The following ZNF618 variants were observed in gnomAD, a reference collection of about 807,000 sequenced individuals.
The protein encoded by ZNF618 is zinc finger protein 618, also known as neural precursor cell expressed, developmentally down-regulated 10.
In ZNF618, 34 loss-of-function variants were observed where a neutral mutation model predicts 103.0. The ratio of observed to expected loss-of-function variants is 0.33; its 90% CI spans 0.25 to 0.44. The LOEUF is 0.44. ZNF618 is among the 20% of genes least tolerant of loss of function. The probability of loss-of-function intolerance (pLI) is 1.00; values close to 1 mark genes in which losing one functional copy is unlikely to be tolerated. For missense variants in ZNF618, 1,059 were observed against 1,295.4 expected (o/e 0.82, Z 2.80); for synonymous variants, 551 against 542.2 (o/e 1.02, Z -0.23).
chr9:114,039,072 T>C (rs1844886598), intron 13 of ZNF618, among the ~76,000 whole-genome samples: 2 of 152,172 alleles, frequency 1.3e-5, no homozygotes, highest in African/African-American at 4.8e-5. Flanking sequence ...TGGCAGGCTA[T>C]AGATAGGATT....
chr9:114,011,986 T>A (rs1233967634), intron 9 of ZNF618, among the ~76,000 whole-genome samples: 4 of 152,058 alleles, frequency 2.6e-5, no homozygotes. Flanking sequence ...GTTACTTGAT[T>A]TTTATGCCTG....
chr9:113,919,629 C>T (rs1475085289), intron 1 of ZNF618, among the ~76,000 whole-genome samples: 1 of 152,234 alleles, frequency 6.6e-6, no homozygotes, highest in African/African-American at 2.4e-5. Flanking sequence ...TGTCCTCCAA[C>T]GGCGGGGCCA....
At chr9:113,905,194 A>G (rs886634585) in intron 1 of ZNF618, among the ~76,000 whole-genome samples, 2 of 151,882 alleles carry the variant, frequency 1.3e-5, no homozygotes, top group Admixed American at 6.6e-5. Flanking sequence ...TCAGCCTCCT[A>G]TTGGAGGCAC....
At chr9:113,935,142 C>T (rs1246977136) in intron 1 of ZNF618, among the ~76,000 whole-genome samples, 2 of 152,170 alleles carry the variant, frequency 1.3e-5, no homozygotes, top group East Asian at 1.9e-4. Flanking sequence ...GACGAGGGTC[C>T]CCTAACCTGG....
intron 11 of ZNF618, among the ~76,000 whole-genome samples, chr9:114,031,474 C>T (rs1393684172): frequency 2.0e-5 from 3 of 152,206 alleles, no homozygotes; most frequent in Admixed American, 6.5e-5. Context: ...CCTCTGGCTT[C>T]CTTTCCCATT....
At chr9:113,896,586 T>C (rs909689598) in intron 1 of ZNF618, among the ~76,000 whole-genome samples, 3 of 152,052 alleles carry the variant, frequency 2.0e-5, no homozygotes, top group Non-Finnish European at 4.4e-5. Flanking sequence ...TTTGCTTGTA[T>C]TCACACATTA....
intron 13 of ZNF618, among the ~76,000 whole-genome samples, chr9:114,041,915 T>C (rs1845221563): frequency 6.6e-6 from 1 of 152,228 alleles, no homozygotes; most frequent in South Asian, 2.1e-4. Flanking sequence ...TAAATTACTT[T>C]GGGCAGTATG....
chr9:113,924,486 T>C (rs973897186), intron 1 of ZNF618, among the ~76,000 whole-genome samples: 2 of 151,314 alleles, frequency 1.3e-5, no homozygotes, highest in African/African-American at 4.8e-5. Flanking sequence ...ATTGATCTTT[T>C]CAAATAATGA....
intron 1 of ZNF618, among the ~76,000 whole-genome samples, chr9:113,883,996 C>A (rs866483054): frequency 2.0e-5 from 1 of 49,954 alleles, no homozygotes; most frequent in East Asian, 4.0e-4. Context: ...CCCCCCCCCC[C>A]CCCCCCGCCC....
intron 9 of ZNF618, among the ~76,000 whole-genome samples, chr9:114,016,364 T>G (rs1853546): frequency 0.62 from 94,583 of 151,916 alleles, 31,067 homozygotes; most frequent in East Asian, 0.78. Flanking sequence ...GAGCACCGGG[T>G]CTGGGGTGGA....
intron 1 of ZNF618, among the ~76,000 whole-genome samples, chr9:113,907,928 T>C (rs1831135957): frequency 6.6e-6 from 1 of 152,198 alleles, no homozygotes; most frequent in African/African-American, 2.4e-5. Context: ...TGTGAGAGCT[T>C]GAGTCTGCAG....
chr9:114,028,533 C>CT (rs1843714948), intron 10 of ZNF618, 200 bp from the exon 11 acceptor site: 2 of 800,224 alleles, frequency 2.5e-6, no homozygotes, highest in Middle Eastern at 3.7e-4. Flanking sequence ...CTCCAGATAA[C>CT]TAAGCGTGAG....
intron 1 of ZNF618, among the ~76,000 whole-genome samples, chr9:113,951,458 T>TGTACAC (rs777028952): frequency 1.8e-5 from 1 of 54,700 alleles, no homozygotes; most frequent in African/African-American, 5.7e-5. Context: ...TGTGTATATA[T>TGTACAC]ACATATATGT....
At chr9:113,919,522 G>A (rs1457109147) in intron 1 of ZNF618, among the ~76,000 whole-genome samples, 2 of 152,224 alleles carry the variant, frequency 1.3e-5, no homozygotes, top group Admixed American at 6.5e-5. Flanking sequence ...CTTGCCATCC[G>A]TGCTGGCAGG....
chr9:114,047,749 T>C (rs1272903487), intron 13 of ZNF618, 144 bp from the exon 14 acceptor site: 8 of 629,218 alleles, frequency 1.3e-5, no homozygotes, highest in Non-Finnish European at 2.3e-5. Flanking sequence ...TAGATAGTTG[T>C]CTAAGGAGGA....
intron 11 of ZNF618, among the ~76,000 whole-genome samples, chr9:114,030,212 T>C (rs1375165039): frequency 6.6e-6 from 1 of 152,300 alleles, no homozygotes; most frequent in Middle Eastern, 3.4e-3. Context: ...TTCGAAGATA[T>C]GTTTATTGTG....
At chr9:113,885,612 G>A (rs1025535552) in intron 1 of ZNF618, among the ~76,000 whole-genome samples, 12 of 152,168 alleles carry the variant, frequency 7.9e-5, no homozygotes, top group Non-Finnish European at 1.5e-4. Context: ...TTTCAATCAT[G>A]TATGTGGCCT....
chr9:113,998,191 G>A (rs1840809468), intron 3 of ZNF618, 68 bp from the exon 4 acceptor site: 11 of 1,429,018 alleles, frequency 7.7e-6, no homozygotes, highest in South Asian at 7.4e-5. Context: ...AGCCAACTTC[G>A]CCCCTTCCCT....
At chr9:113,932,768 G>A (rs984781234) in intron 1 of ZNF618, among the ~76,000 whole-genome samples, 10 of 152,138 alleles carry the variant, frequency 6.6e-5, no homozygotes, top group Non-Finnish European at 1.5e-4. Flanking sequence ...AGGGGGAGTG[G>A]GGTGGAGGTG....
Sources: gnomAD v4.1 joint callset for allele counts (sites outside exome capture counted in the v4.1 genomes callset) on GRCh38, gnomAD v4.1.1 for gene constraint, MANE v1.5 for transcripts, NCBI Gene and HGNC (gene_info 2026-07-23, HGNC 2026-07-21) for gene names.